FAM171A1: variants seen among roughly 807,000 people sequenced by gnomAD.
The protein encoded by FAM171A1 is family with sequence similarity 171 member A1.
A neutral mutation model predicts 74.9 loss-of-function variants in FAM171A1; 23 were observed. The ratio of observed to expected loss-of-function variants is 0.31; its 90% CI spans 0.22 to 0.44. FAM171A1 has a LOEUF of 0.44. Ranked by LOEUF, FAM171A1 falls within the 20% of genes least tolerant of loss-of-function variation. The pLI, the probability that FAM171A1 is intolerant of heterozygous loss-of-function variation, is 1.00. For synonymous variants in FAM171A1, 527 were observed against 505.7 expected, an observed-to-expected ratio of 1.04 and a Z score of -0.57; for missense variants, 1,162 against 1,159.2, an observed-to-expected ratio of 1.00 and a Z score of -0.03.
At chr10:15,311,575 C>A (rs940214474) in intron 1 of FAM171A1, among the ~76,000 whole-genome samples, 17 of 152,122 alleles carry the variant, frequency 1.1e-4, no homozygotes, top group Non-Finnish European at 2.9e-5. Flanking sequence ...TGGGATTCCC[C>A]TTAAATAAGC....
intron 1 of FAM171A1, among the ~76,000 whole-genome samples, chr10:15,313,386 G>T (rs7912473): frequency 6.6e-6 from 1 of 152,202 alleles, no homozygotes; most frequent in African/African-American, 2.4e-5. Flanking sequence ...CTTTCCTTGA[G>T]CTAAAATTTT....
At chr10:15,329,427 C>A (rs922309662) in intron 1 of FAM171A1, among the ~76,000 whole-genome samples, 1 of 151,996 alleles carries the variant, frequency 6.6e-6, no homozygotes, top group African/African-American at 2.4e-5. Flanking sequence ...GGCAGGAGGA[C>A]TGCTTGAGTG....
chr10:15,310,738 T>A (rs751578493), intron 1 of FAM171A1, among the ~76,000 whole-genome samples: 3 of 151,944 alleles, frequency 2.0e-5, no homozygotes, highest in Non-Finnish European at 4.4e-5. Context: ...GGCGCGTGCC[T>A]GTAGTCCCAG....
chr10:15,313,708 C>T (rs1835390246), intron 1 of FAM171A1, among the ~76,000 whole-genome samples: 1 of 152,144 alleles, frequency 6.6e-6, no homozygotes, highest in African/African-American at 2.4e-5. Flanking sequence ...ACATAAACAT[C>T]CCGAGGGTGA....
intron 6 of FAM171A1, among the ~76,000 whole-genome samples, chr10:15,219,346 G>A (rs558163288): frequency 1.5e-4 from 23 of 152,214 alleles, no homozygotes; most frequent in Admixed American, 1.1e-3. Flanking sequence ...AGCATGTACT[G>A]ATCTACTGCA....
intron 1 of FAM171A1, among the ~76,000 whole-genome samples, chr10:15,349,630 G>A (rs1835855639): frequency 6.6e-6 from 1 of 152,050 alleles, no homozygotes; most frequent in Non-Finnish European, 1.5e-5. Context: ...AAGGATGTTC[G>A]GCATCAGCTT....
At chr10:15,330,247 G>A (rs971071478) in intron 1 of FAM171A1, among the ~76,000 whole-genome samples, 1 of 152,156 alleles carries the variant, frequency 6.6e-6, no homozygotes, top group Admixed American at 6.5e-5. Flanking sequence ...GAAGAAGCAG[G>A]AGAATCGCCT....
Position 15,273,502 on chromosome 10 carries a change from A to G in FAM171A1, c.418+2353T>C, listed in dbSNP as rs187425751. 2.6e-5 allele frequency among the ~76,000 whole-genome samples: 4 copies of G among 152,236 alleles called. No individual in the cohort carries two copies. In the East Asian group the frequency reaches 7.7e-4, roughly 29 times the overall value. ...GTACCATTCCTTGTAAAACTATTCC[A>G]ATCAATAGAAAAAGAGGGAATCTTC... is the stretch of plus-strand genomic sequence containing the variant. On this transcript the variant is annotated intron_variant, in intron 3 of 7. Transcript: ENST00000378116.
chr10:15,271,915 C>T (rs1834830723), intron 3 of FAM171A1, among the ~76,000 whole-genome samples: 1 of 152,166 alleles, frequency 6.6e-6, no homozygotes, highest in Admixed American at 6.5e-5. Context: ...AACCAGTAAC[C>T]AGCCACTGCA....
At chr10:15,285,900 T>C (rs1055174758) in intron 1 of FAM171A1, among the ~76,000 whole-genome samples, 1 of 152,196 alleles carries the variant, frequency 6.6e-6, no homozygotes, top group Admixed American at 6.5e-5. Flanking sequence ...GGGTCAGCCT[T>C]GCAGGTATTG....
At chr10:15,220,492 T>A (rs1414734249) in intron 6 of FAM171A1, among the ~76,000 whole-genome samples, 1 of 152,248 alleles carries the variant, frequency 6.6e-6, no homozygotes, top group East Asian at 1.9e-4. Flanking sequence ...TTCTCGTAGA[T>A]ACAAAGCAAC....
At chr10:15,319,166 A>G (rs1343370453) in intron 1 of FAM171A1, among the ~76,000 whole-genome samples, 1 of 152,214 alleles carries the variant, frequency 6.6e-6, no homozygotes, top group African/African-American at 2.4e-5. Flanking sequence ...TTTCTACAGC[A>G]TGCCTGTGGA....
Position 15,356,351 on chromosome 10 carries a change from A to C in FAM171A1, c.97+14605T>G, listed in dbSNP as rs139481244. On this transcript the variant is annotated intron_variant, in intron 1 of 7. Transcript: ENST00000378116. ...AAGAGAAAATTTCTCATATATTTTCAAGGGGAGTATAGAAAGATACAACCA... is the reference window on the plus strand; with the variant it reads ...AAGAGAAAATTTCTCATATATTTTCCAGGGGAGTATAGAAAGATACAACCA... 7.6e-3 allele frequency among the ~76,000 whole-genome samples: 1,151 copies of C among 152,210 alleles called. 9 individuals are homozygous for C. The highest frequency in any genetic ancestry group is 0.011 in the Non-Finnish European group (769 of 68,006).
intron 1 of FAM171A1, among the ~76,000 whole-genome samples, chr10:15,338,839 C>T (rs917633372): frequency 1.3e-5 from 2 of 152,198 alleles, no homozygotes; most frequent in Non-Finnish European, 2.9e-5. Context: ...CTCCCAGGTT[C>T]AAGTGATTCT....
At chr10:15,372,483 T>C (rs112175542), upstream of FAM171A1, among the ~76,000 whole-genome samples, 73 of 152,034 alleles carry the variant, frequency 4.8e-4, 1 homozygote, top group African/African-American at 1.7e-3. Context: ...TGGCCTGAGT[T>C]CAGGAGTTAA....
At chr10:15,361,810 T>C (rs1270890637) in intron 1 of FAM171A1, among the ~76,000 whole-genome samples, 1 of 152,222 alleles carries the variant, frequency 6.6e-6, no homozygotes, top group African/African-American at 2.4e-5. Flanking sequence ...CCAATACAAA[T>C]TCAATCATTT....
At chr10:15,354,421 G>A (rs1233573549) in intron 1 of FAM171A1, among the ~76,000 whole-genome samples, 6 of 151,580 alleles carry the variant, frequency 4.0e-5, no homozygotes, top group South Asian at 4.2e-4. Flanking sequence ...GCTTGAACCC[G>A]GGAAGCAGAG....
intron 1 of FAM171A1, among the ~76,000 whole-genome samples, chr10:15,288,844 C>T (rs1835070575): frequency 1.8e-5 from 1 of 54,512 alleles, no homozygotes; most frequent in Non-Finnish European, 3.1e-5. Context: ...TTTTTTGAGA[C>T]AGAGTCTCAT....
chr10:15,304,141 T>C (rs1835265839), intron 1 of FAM171A1, among the ~76,000 whole-genome samples: 1 of 152,208 alleles, frequency 6.6e-6, no homozygotes, highest in South Asian at 2.1e-4. Flanking sequence ...TCCTCAACCC[T>C]TCATTCTGCA....
Sources: gnomAD v4.1 joint callset for allele counts (sites outside exome capture counted in the v4.1 genomes callset) on GRCh38, gnomAD v4.1.1 for gene constraint, MANE v1.5 for transcripts, NCBI Gene and HGNC (gene_info 2026-07-23, HGNC 2026-07-21) for gene names.